PCNP: variants seen among roughly 807,000 people sequenced by gnomAD.
PCNP encodes the protein PEST proteolytic signal containing nuclear protein.
PCNP carries 6 observed loss-of-function variants against 21.8 expected under a neutral mutation model. The observed-to-expected ratio is 0.28, with a 90% CI of 0.15 to 0.54. The LOEUF is 0.54. PCNP is among the 20% of genes least tolerant of loss of function. The pLI is 0.95. For missense variants in PCNP, 161 were observed against 215.5 expected (o/e 0.75, Z 1.58); for synonymous variants, 67 against 73.2 (o/e 0.92, Z 0.43).
At chr3:101,583,552 G>C (rs575054831) in intron 2 of PCNP, among the ~76,000 whole-genome samples, 1 of 152,168 alleles carries the variant, frequency 6.6e-6, no homozygotes, top group Non-Finnish European at 1.5e-5. Flanking sequence ...GGAGGTCGAG[G>C]CTGCAGTGAG....
At chr3:101,589,359 C>A (rs558794956) in intron 3 of PCNP, among the ~76,000 whole-genome samples, 203 of 152,068 alleles carry the variant, frequency 1.3e-3, no homozygotes, top group Non-Finnish European at 2.2e-3. Context: ...AAGGAACTTT[C>A]CCCACAATTT....
intron 4 of PCNP, 23 bp from the exon 5 acceptor site, chr3:101,592,603 TA>T (rs765363980): frequency 3.2e-6 from 5 of 1,569,282 alleles, no homozygotes; most frequent in Non-Finnish European, 4.3e-6. Context: ...ACATTTTAAA[TA>T]AATTTTCTTT....
intron 1 of PCNP, among the ~76,000 whole-genome samples, chr3:101,576,321 G>C (rs1230642226): frequency 6.6e-6 from 1 of 150,398 alleles, no homozygotes; most frequent in Non-Finnish European, 1.5e-5. Context: ...TGCAAACTCC[G>C]TCTCCCCGAT....
intron 3 of PCNP, among the ~76,000 whole-genome samples, chr3:101,588,420 A>G (rs1935645290): frequency 6.6e-6 from 1 of 152,206 alleles, no homozygotes; most frequent in Non-Finnish European, 1.5e-5. Context: ...CATTTAGACA[A>G]CATTCTTTCT....
At chr3:101,574,662 CAT>C (rs1422420622) in intron 1 of PCNP, among the ~76,000 whole-genome samples, 3 of 152,224 alleles carry the variant, frequency 2.0e-5, no homozygotes, top group African/African-American at 7.2e-5. Flanking sequence ...GCTCATGAGA[CAT>C]AACATACACA....
At chr3:101,577,084 C>T in intron 1 of PCNP, 2 of 670,764 alleles carry the variant, frequency 3.0e-6, no homozygotes, top group East Asian at 2.7e-5. Flanking sequence ...CTCGGCCTCC[C>T]GAAGTGCTGG....
intron 3 of PCNP, among the ~76,000 whole-genome samples, chr3:101,588,272 A>G (rs989892096): frequency 6.6e-6 from 1 of 151,962 alleles, no homozygotes; most frequent in Non-Finnish European, 1.5e-5. Flanking sequence ...CTCCATCTCC[A>G]AAAAAAATGA....
chr3:101,588,002 G>A, intron 3 of PCNP, among the ~76,000 whole-genome samples: 1 of 152,194 alleles, frequency 6.6e-6, no homozygotes. Context: ...ACTGGGCATG[G>A]TGGCTCATGC....
At chr3:101,577,134 TTCTG>T (rs1559956251) in intron 1 of PCNP, among the ~76,000 whole-genome samples, 1 of 152,236 alleles carries the variant, frequency 6.6e-6, no homozygotes, top group Admixed American at 6.5e-5. Context: ...CAACATTAAT[TTCTG>T]TCTATGAGAG....
chr3:101,583,817 ATTTTTTTTTTTT>A (rs564200727), intron 2 of PCNP, among the ~76,000 whole-genome samples: 1 of 104,052 alleles, frequency 9.6e-6, no homozygotes, highest in Non-Finnish European at 1.9e-5. Flanking sequence ...TATCCAGCTA[ATTTTTTTTTTTT>A]TTTTTTTTTT....
chr3:101,578,128 A>G (rs1000989363), intron 1 of PCNP, among the ~76,000 whole-genome samples: 8 of 152,340 alleles, frequency 5.3e-5, no homozygotes, highest in Non-Finnish European at 2.9e-5. Flanking sequence ...TTGTTTCTAC[A>G]TATAAAGCCA....
At chr3:101,581,145 T>A (rs1017258304) in intron 2 of PCNP, among the ~76,000 whole-genome samples, 3 of 152,316 alleles carry the variant, frequency 2.0e-5, no homozygotes, top group East Asian at 1.9e-4. Flanking sequence ...TTCTATTTTT[T>A]AAAAAATTCA....
intron 2 of PCNP, among the ~76,000 whole-genome samples, chr3:101,584,902 G>A (rs1252440967): frequency 6.6e-6 from 1 of 152,190 alleles, no homozygotes; most frequent in Non-Finnish European, 1.5e-5. Context: ...TATTCAGGAC[G>A]CCAAGTCATG....
Position 101,593,412 on chromosome 3 carries a change from CT to C in PCNP, c.*661del, listed in dbSNP as rs1935913713. 1 of 152,376 alleles carries C rather than the reference CT, an allele frequency of 6.6e-6. No individual in the cohort carries two copies. The highest frequency in any genetic ancestry group is 2.4e-5 in the African/African-American group (1 of 41,378). 9.4% of individuals were successfully genotyped at this position (152,376 alleles called of 1,614,324 possible). On this transcript the variant is annotated 3_prime_UTR_variant, in exon 5 of 5. Transcript: ENST00000265260. Reference sequence around the variant, plus strand: ...ATGGGTCTTGTCTATCTTCATTAGTCTTCAAAGAAAAACCATTTGCTACCAA... The same window carrying C: ...ATGGGTCTTGTCTATCTTCATTAGTCTCAAAGAAAAACCATTTGCTACCAA...
intron 1 of PCNP, 149 bp downstream of exon 1, chr3:101,574,428 C>G (rs192658427): frequency 6.3e-5 from 62 of 981,100 alleles, no homozygotes; most frequent in Non-Finnish European, 8.5e-5. Flanking sequence ...TCGGGCACGC[C>G]CGATGCGGCC....
At chr3:101,588,823 A>G (rs915756988) in intron 3 of PCNP, among the ~76,000 whole-genome samples, 3 of 152,256 alleles carry the variant, frequency 2.0e-5, no homozygotes, top group Admixed American at 6.5e-5. Flanking sequence ...ATGCCAAGTT[A>G]TCAGTGTGTC....
intron 4 of PCNP, 128 bp from the exon 5 acceptor site, chr3:101,592,499 G>C (rs980988677): frequency 1.5e-6 from 1 of 664,840 alleles, no homozygotes; most frequent in African/African-American, 1.9e-5. Context: ...AAAAAGCTCT[G>C]TAGGGCCTTC....
chr3:101,575,930 A>G (rs1017763527), intron 1 of PCNP, among the ~76,000 whole-genome samples: 2 of 152,194 alleles, frequency 1.3e-5, no homozygotes, highest in Admixed American at 6.5e-5. Context: ...TTTTCTTGGT[A>G]ACTTAGAGTA....
At position 101,586,170 on chromosome 3, in the gene PCNP, CAAAAAAAAAAAA is replaced by C. The variant is rs10529220; in HGVS notation, c.354+675_354+686del. On this transcript the variant is annotated intron_variant, in intron 3 of 4. Transcript: ENST00000265260. ...TGGGCAACAGAGCTAGTCTCTGTCT[CAAAAAAAAAAAA>C]AAAAAAAAAAAAAAATGTCAACTAT... Among the ~76,000 whole-genome samples, 101 of 97,544 alleles carry C rather than the reference CAAAAAAAAAAAA, an allele frequency of 1.0e-3. 2 individuals are homozygous for C. The highest frequency in any genetic ancestry group is 3.7e-3 in the African/African-American group (89 of 23,840). 64.0% of individuals were successfully genotyped at this position (97,544 alleles called of 152,430 possible).
Sources: gnomAD v4.1 joint callset for allele counts (sites outside exome capture counted in the v4.1 genomes callset) on GRCh38, gnomAD v4.1.1 for gene constraint, MANE v1.5 for transcripts, NCBI Gene and HGNC (gene_info 2026-07-23, HGNC 2026-07-21) for gene names.